Variants in GREB1L observed in about 807,000 individuals in gnomAD.
GREB1L encodes the protein GREB1-like protein.
GREB1L carries 17 observed loss-of-function variants against 200.8 expected under a neutral mutation model. The observed-to-expected ratio is 0.08, with a 90% confidence interval of 0.06 to 0.13. GREB1L has a LOEUF of 0.13. Ranked by LOEUF, GREB1L falls within the 10% of genes least tolerant of loss-of-function variation. GREB1L has a pLI of 1.00. For synonymous variants in GREB1L, 789 were observed against 893.0 expected, an observed-to-expected ratio of 0.88 and a Z score of 2.08; for missense variants, 1,657 against 2,367.7, an observed-to-expected ratio of 0.70 and a Z score of 6.23.
chr18:21,284,833 A>G (rs1411855429), intron 1 of GREB1L, among the ~76,000 whole-genome samples: 1 of 152,198 alleles, frequency 6.6e-6, no homozygotes, highest in Non-Finnish European at 1.5e-5. Context: ...TATCCTCACC[A>G]ACACTAGCTA....
intron 1 of GREB1L, among the ~76,000 whole-genome samples, chr18:21,349,766 C>G (rs539293038): frequency 6.6e-6 from 1 of 152,190 alleles, no homozygotes; most frequent in South Asian, 2.1e-4. Flanking sequence ...AAAACAAGTT[C>G]AGGGCTCTCA....
intron 1 of GREB1L, among the ~76,000 whole-genome samples, chr18:21,268,806 C>T (rs533889105): frequency 5.3e-5 from 8 of 151,322 alleles, no homozygotes; most frequent in South Asian, 4.2e-4. Flanking sequence ...CCGTGTTGCC[C>T]GGGCTGGTCT....
chr18:21,491,694 C>T lies in GREB1L; in HGVS notation c.3030+1343C>T, dbSNP rs573261342. On this transcript the variant is annotated intron_variant, in intron 19 of 32. Transcript: ENST00000424526. The stretch of plus-strand genomic sequence containing the variant: ...CACCACTGCACTCCAGCCTGGGCGA[C>T]AGAGCGAGACTCTGTCTCAAAAAAA... 4.8e-5 allele frequency among the ~76,000 whole-genome samples: 7 copies of T among 145,212 alleles called. No individual in the cohort carries two copies. The East Asian group carries it at 1.4e-3, about 30-fold the overall frequency.
chr18:21,364,935 G>A (rs1188773821), intron 1 of GREB1L, among the ~76,000 whole-genome samples: 1 of 151,892 alleles, frequency 6.6e-6, no homozygotes, highest in African/African-American at 2.4e-5. Context: ...GTAATCTTGG[G>A]TTTGGATGTA....
At chr18:21,516,836 G>T in intron 30 of GREB1L, 82 bp downstream of exon 30, 1 of 1,218,280 alleles carries the variant, frequency 8.2e-7, no homozygotes, top group Non-Finnish European at 1.1e-6. Context: ...TTGGCATTAA[G>T]CACTTTCTAT....
intron 5 of GREB1L, among the ~76,000 whole-genome samples, chr18:21,397,062 G>GA (rs534685457): frequency 1.7e-3 from 256 of 152,260 alleles, no homozygotes; most frequent in Non-Finnish European, 2.9e-3. Flanking sequence ...AGTGTCATCA[G>GA]AAAGTCTAGC....
chr18:21,318,558 A>G (rs1344852256), intron 1 of GREB1L, among the ~76,000 whole-genome samples: 1 of 152,210 alleles, frequency 6.6e-6, no homozygotes, highest in Admixed American at 6.5e-5. Context: ...ACCTTCTAAT[A>G]TCTACAATTT....
chr18:21,360,973 G>A (rs968053904), intron 1 of GREB1L, among the ~76,000 whole-genome samples: 2 of 152,136 alleles, frequency 1.3e-5, no homozygotes, highest in African/African-American at 4.8e-5. Context: ...GTACATATTG[G>A]ATAACAAGGG....
At chr18:21,290,770 A>C (rs2038435349) in intron 1 of GREB1L, among the ~76,000 whole-genome samples, 1 of 148,984 alleles carries the variant, frequency 6.7e-6, no homozygotes, top group East Asian at 2.0e-4. Context: ...GGTTGCAGTG[A>C]GCCGAGGTGG....
rs1447315492 is a variant in GREB1L, at chr18:21,441,415, C to A, written c.1085C>A (p.Ala362Asp). The A allele has an allele frequency of 6.5e-7, 1 of 1,543,636 alleles. No homozygotes were observed. The highest frequency in any genetic ancestry group is 1.2e-5 in the South Asian group (1 of 81,774). ...TTTTTTCCAGAGCCCCTTTTATCTGCCCCAGTTCCACAGACCCCACTAACT... is the reference window on the plus strand; with the variant it reads ...TTTTTTCCAGAGCCCCTTTTATCTGACCCAGTTCCACAGACCCCACTAACT... ...PLSRTEPLLS[A>D]PVPQTPLTGI... is the part of the protein sequence containing the mutation. The change falls in exon 10 of 33, where the codon GCC becomes GAC. Residue 362 changes from alanine (A) to aspartate (D), a missense_variant. Ala to Asp is a moderately radical substitution (Grantham distance 126). Coordinates refer to ENST00000424526, the MANE Select transcript of GREB1L (RefSeq NM_001142966.3).
At chr18:21,413,682 T>C (rs1167682034) in intron 7 of GREB1L, among the ~76,000 whole-genome samples, 1 of 152,136 alleles carries the variant, frequency 6.6e-6, no homozygotes, top group East Asian at 1.9e-4. Context: ...TCAATAAATA[T>C]TTGATGAACT....
At chr18:21,506,389 C>G (rs887024708) in intron 25 of GREB1L, among the ~76,000 whole-genome samples, 7 of 148,092 alleles carry the variant, frequency 4.7e-5, no homozygotes, top group Middle Eastern at 3.4e-3. Context: ...AGTGGGACTC[C>G]GTCTCAAAAA....
intron 1 of GREB1L, among the ~76,000 whole-genome samples, chr18:21,254,702 C>T (rs1457394511): frequency 6.6e-6 from 1 of 152,084 alleles, no homozygotes; most frequent in African/African-American, 2.4e-5. Flanking sequence ...CCTCAAGAAC[C>T]AAGATTCTTT....
At position 21,422,091 on chromosome 18, in the gene GREB1L, C is replaced by G. The variant is rs1233212462; in HGVS notation, c.833-17430C>G. Among the ~76,000 whole-genome samples, 5 of 152,266 alleles carry G rather than the reference C, an allele frequency of 3.3e-5. No individual in the cohort carries two copies. The Middle Eastern group carries it at 0.01, about 311-fold the overall frequency. ...TTCCAAGTTTGTGAATCCTCCAGTG[C>G]TTACAAGTTCCTTCTTTAAATGGAT... is the stretch of plus-strand genomic sequence containing the variant. On this transcript the variant is annotated intron_variant, in intron 7 of 32. Coordinates refer to ENST00000424526, the MANE Select transcript of GREB1L (RefSeq NM_001142966.3).
intron 21 of GREB1L, among the ~76,000 whole-genome samples, chr18:21,499,236 G>A (rs2145930626): frequency 6.6e-6 from 1 of 152,196 alleles, no homozygotes; most frequent in East Asian, 1.9e-4. Context: ...TTTTGGGTGG[G>A]GTCCTGGGAG....
intron 7 of GREB1L, among the ~76,000 whole-genome samples, chr18:21,428,219 A>G (rs1419277929): frequency 6.8e-6 from 1 of 146,196 alleles, no homozygotes; most frequent in Non-Finnish European, 1.5e-5. Context: ...AAAAAAAAAA[A>G]AAAAAAAAGA....
In GREB1L at chr18:21,383,528, T is replaced by A. The variant is rs1199077564; in HGVS notation, c.10T>A (p.Ser4Thr). The A allele has an allele frequency of 6.7e-7, 1 of 1,484,362 alleles. No homozygotes were observed. Among genetic ancestry groups the A allele is most frequent in the East Asian group, 2.7e-5 (1 of 37,626 alleles). The allele number at this position is 1,484,362 out of a possible 1,614,324, so 91.9% of individuals were successfully genotyped here. Residue 4 changes from serine to threonine, a missense_variant, in exon 3 of 33, where the codon TCA becomes ACA. This residue lies in a region of GREB1L where 121 missense variants were observed against 126.6 expected (regional missense o/e 0.96). Transcript: ENST00000424526. MGN[S>T]YAGQLKSARF... ...TGGGTAGGTGTAGATCATGGGGAAT[T>A]CATATGCTGGGCAACTGAAATCTGC...
intron 1 of GREB1L, among the ~76,000 whole-genome samples, chr18:21,251,548 A>T (rs983419313): frequency 6.6e-6 from 1 of 152,244 alleles, no homozygotes; most frequent in African/African-American, 2.4e-5. Flanking sequence ...AGATAGACAT[A>T]TGATAACACA....
chr18:21,343,621 G>C (rs1346615349), intron 1 of GREB1L, among the ~76,000 whole-genome samples: 2 of 152,006 alleles, frequency 1.3e-5, no homozygotes, highest in East Asian at 3.9e-4. Flanking sequence ...AGAATTTATC[G>C]AGCTGCCAGT....
Sources: gnomAD v4.1 joint callset for allele counts (sites outside exome capture counted in the v4.1 genomes callset) on GRCh38, gnomAD v4.1.1 for gene constraint, gnomAD v4.1.1 regional missense constraint, MANE v1.5 for transcripts, NCBI Gene and HGNC (gene_info 2026-07-23, HGNC 2026-07-21) for gene names.